Variants in VEPH1 observed in about 807,000 individuals in gnomAD.
The protein encoded by VEPH1 is ventricular zone-expressed PH domain-containing protein homolog 1.
Under a neutral mutation model 85.2 loss-of-function variants are expected in VEPH1, and 80 were observed. That is an observed-to-expected ratio of 0.94 (90% CI 0.78 to 1.13). The LOEUF is 1.13. Among genes scored for constraint, VEPH1 ranks in the 50% most tolerant of loss-of-function variants. VEPH1 has a pLI of 0.00. For synonymous variants in VEPH1, 297 were observed against 348.0 expected (o/e 0.85, Z 1.63); for missense variants, 955 against 980.5 (o/e 0.97, Z 0.35).
intron 12 of VEPH1, among the ~76,000 whole-genome samples, chr3:157,282,932 T>G (rs1216454794): frequency 6.6e-6 from 1 of 152,238 alleles, no homozygotes; most frequent in African/African-American, 2.4e-5. Context: ...TTTCAGAAAT[T>G]TTCTAATCTT....
intron 12 of VEPH1, 37 bp from the exon 13 acceptor site, chr3:157,265,699 T>C (rs770558237): frequency 1.4e-5 from 23 of 1,606,790 alleles, no homozygotes; most frequent in Non-Finnish European, 7.7e-6. Flanking sequence ...CCATGTATTT[T>C]CCAATATTTA....
intron 7 of VEPH1, among the ~76,000 whole-genome samples, chr3:157,367,714 T>A (rs1257071833): frequency 1.3e-5 from 2 of 152,202 alleles, no homozygotes; most frequent in Non-Finnish European, 2.9e-5. Flanking sequence ...TCTTGCCATG[T>A]TTTCCAGGCT....
chr3:157,341,169 G>A (rs1414603826), intron 9 of VEPH1, among the ~76,000 whole-genome samples: 2 of 152,232 alleles, frequency 1.3e-5, no homozygotes. Flanking sequence ...AACAAAGCTG[G>A]ATGGAGAATG....
chr3:157,434,961 C>A (rs1733437622), intron 4 of VEPH1, among the ~76,000 whole-genome samples: 1 of 152,132 alleles, frequency 6.6e-6, no homozygotes, highest in Admixed American at 6.5e-5. Flanking sequence ...AAAAGCAGCA[C>A]ATTTTAGATT....
chr3:157,444,855 AAGT>A (rs1734423562), intron 4 of VEPH1, among the ~76,000 whole-genome samples: 1 of 152,236 alleles, frequency 6.6e-6, no homozygotes, highest in Non-Finnish European at 1.5e-5. Context: ...TGGGTTAAAA[AAGT>A]AGAAATTTCA....
At chr3:157,382,932 A>G (rs1420233424) in intron 6 of VEPH1, among the ~76,000 whole-genome samples, 1 of 152,178 alleles carries the variant, frequency 6.6e-6, no homozygotes, top group African/African-American at 2.4e-5. Context: ...CCTGGGCTCA[A>G]GCTATCCTGC....
chr3:157,330,701 A>T (rs778976719), intron 9 of VEPH1, among the ~76,000 whole-genome samples: 2 of 152,170 alleles, frequency 1.3e-5, no homozygotes, highest in East Asian at 3.9e-4. Context: ...TGTAGGGATC[A>T]TGGAGCCTTG....
intron 6 of VEPH1, among the ~76,000 whole-genome samples, chr3:157,399,894 C>T (rs10513513): frequency 2.0e-5 from 3 of 151,768 alleles, no homozygotes; most frequent in Admixed American, 6.6e-5. Flanking sequence ...AACTTTGAGC[C>T]GATTTTTAGA....
chr3:157,425,665 G>A (rs140268051), intron 5 of VEPH1, among the ~76,000 whole-genome samples: 143 of 152,286 alleles, frequency 9.4e-4, no homozygotes, highest in African/African-American at 3.3e-3. Flanking sequence ...TGATTTTACA[G>A]GCTCATAAGC....
intron 13 of VEPH1, among the ~76,000 whole-genome samples, chr3:157,262,419 C>T (rs537219589): frequency 1.6e-4 from 25 of 151,640 alleles, no homozygotes; most frequent in African/African-American, 4.8e-4. Context: ...CACTTGGAGA[C>T]GGATGGTCAC....
At chr3:157,476,457 C>T (rs1737480669) in intron 2 of VEPH1, among the ~76,000 whole-genome samples, 1 of 152,144 alleles carries the variant, frequency 6.6e-6, no homozygotes, top group African/African-American at 2.4e-5. Context: ...CATTTTATAG[C>T]AAAGGATGTA....
intron 9 of VEPH1, among the ~76,000 whole-genome samples, chr3:157,362,487 C>T (rs933689861): frequency 1.3e-5 from 2 of 152,160 alleles, no homozygotes; most frequent in African/African-American, 4.8e-5. Context: ...CACCTCCTGA[C>T]TATGGTTGTG....
At chr3:157,470,166 ACCGGCC>A (rs1346863086) in intron 3 of VEPH1, 142 bp downstream of exon 3, 5 of 701,512 alleles carry the variant, frequency 7.1e-6, no homozygotes, top group Non-Finnish European at 9.5e-6. Flanking sequence ...TTTATTAATT[ACCGGCC>A]CTCCCAGCTA....
At chr3:157,309,309 G>C (rs1281997945) in intron 11 of VEPH1, among the ~76,000 whole-genome samples, 1 of 152,114 alleles carries the variant, frequency 6.6e-6, no homozygotes, top group East Asian at 1.9e-4. Flanking sequence ...TTCACCACTA[G>C]GCATAGTTTT....
chr3:157,291,125 T>C (rs995149007), intron 11 of VEPH1, among the ~76,000 whole-genome samples: 2 of 152,232 alleles, frequency 1.3e-5, no homozygotes, highest in African/African-American at 4.8e-5. Context: ...TAGGATTGCC[T>C]TATGTGCACT....
In VEPH1 at chr3:157,313,770, A is replaced by G; in HGVS notation, c.1876-15T>C. On this transcript the variant is annotated splice_polypyrimidine_tract_variant and intron_variant, in intron 10 of 13. Transcript: ENST00000362010. ...GGAAACAGGCTCTGAAAGGGCATTA[A>G]AGACAGAAACAGAATATACTATGTC... is the stretch of plus-strand genomic sequence containing the variant. 2.5e-6 allele frequency: 4 copies of G among 1,614,018 alleles called. No homozygotes were observed. The highest frequency in any genetic ancestry group is 3.4e-6 in the Non-Finnish European group (4 of 1,179,922).
chr3:157,314,498 GT>G (rs1720529710), intron 10 of VEPH1, among the ~76,000 whole-genome samples: 1 of 151,880 alleles, frequency 6.6e-6, no homozygotes, highest in African/African-American at 2.4e-5. Flanking sequence ...GTAATATAGT[GT>G]TTATCTCAGT....
At chr3:157,321,154 C>T (rs1218896015) in intron 9 of VEPH1, among the ~76,000 whole-genome samples, 7 of 152,094 alleles carry the variant, frequency 4.6e-5, no homozygotes, top group African/African-American at 4.8e-5. Flanking sequence ...AATTAGGTCT[C>T]ATTTTGAATT....
At chr3:157,470,560 A>G (rs1267251129) in intron 2 of VEPH1, 31 bp from the exon 3 acceptor site, 2 of 1,600,346 alleles carry the variant, frequency 1.2e-6, no homozygotes, top group Admixed American at 1.7e-5. Flanking sequence ...CATGTTAAAT[A>G]ATACTCTAGA....
Sources: gnomAD v4.1 joint callset for allele counts (sites outside exome capture counted in the v4.1 genomes callset) on GRCh38, gnomAD v4.1.1 for gene constraint, MANE v1.5 for transcripts, NCBI Gene and HGNC (gene_info 2026-07-23, HGNC 2026-07-21) for gene names.